Variants in CNKSR2 observed in about 807,000 individuals in gnomAD.
The protein encoded by CNKSR2 is connector enhancer of kinase suppressor of Ras 2, also known as CNK homolog protein 2.
Under a neutral mutation model 84.4 loss-of-function variants are expected in CNKSR2, and 14 were observed. That is an observed-to-expected ratio of 0.17 (90% CI 0.11 to 0.26). CNKSR2 has a LOEUF of 0.26. Ranked by LOEUF, CNKSR2 falls within the 10% of genes least tolerant of loss-of-function variation. CNKSR2 has a pLI of 1.00. For synonymous variants in CNKSR2, 275 were observed against 277.9 expected (o/e 0.99, Z 0.10); for missense variants, 485 against 771.2 (o/e 0.63, Z 4.40).
Position 21,654,286 on chromosome X carries a change from A to AC in CNKSR2, c.*1765_*1766insC, listed in dbSNP as rs1327532083. On this transcript the variant is annotated 3_prime_UTR_variant, in exon 22 of 22. Coordinates refer to ENST00000379510, the MANE Select transcript of CNKSR2 (RefSeq NM_014927.5). ...TTTTGTATATGTAAAAAAAAAAAAAAAAAAAAAACAAAAAACCTCTTGTCC... is the reference window on the plus strand; with the variant it reads ...TTTTGTATATGTAAAAAAAAAAAAAACAAAAAAAACAAAAAACCTCTTGTCC... 1.3e-4 allele frequency: 14 copies of AC among 106,633 alleles called. No individual in the cohort carries two copies. Among genetic ancestry groups the AC allele is most frequent in the East Asian group, 5.9e-4 (2 of 3,395 alleles). The allele number at this position is 106,633 out of a possible 1,213,427, so 8.8% of individuals were successfully genotyped here. A position where few individuals can be genotyped will look rare whatever the true frequency, so the allele number is the denominator to read the frequency against.
At chrX:21,460,887 T>C (rs1371669046) in intron 4 of CNKSR2, among the ~76,000 whole-genome samples, 1 of 112,568 alleles carries the variant, frequency 8.9e-6, no homozygotes, top group African/African-American at 3.2e-5. Flanking sequence ...TCATTTTTAA[T>C]GGCTGAATAG....
intron 13 of CNKSR2, among the ~76,000 whole-genome samples, chrX:21,583,976 T>A (rs969027073): frequency 8.9e-6 from 1 of 112,371 alleles, no homozygotes; most frequent in East Asian, 2.8e-4. Flanking sequence ...AAAAATACTT[T>A]CATAATAGCC....
chrX:21,381,374 T>C (rs753569967), intron 1 of CNKSR2, among the ~76,000 whole-genome samples: 2 of 111,690 alleles, frequency 1.8e-5, no homozygotes, highest in Non-Finnish European at 3.8e-5. Context: ...GAAGTGGTGG[T>C]TGAGTTTAAA....
intron 13 of CNKSR2, among the ~76,000 whole-genome samples, chrX:21,566,231 G>A (rs977018253): frequency 1.8e-5 from 2 of 111,939 alleles, no homozygotes; most frequent in Admixed American, 9.5e-5. Flanking sequence ...CTGAGCTGCC[G>A]CTGTTATAAA....
intron 11 of CNKSR2, among the ~76,000 whole-genome samples, chrX:21,536,406 A>G (rs1480208069): frequency 9.1e-6 from 1 of 110,400 alleles, no homozygotes; most frequent in Admixed American, 9.6e-5. Context: ...CTCCTCTACT[A>G]TTTTTTCGGA....
At position 21,387,437 on chromosome X, in the gene CNKSR2, G is replaced by A. The variant is rs1296113693; in HGVS notation, c.64+12476G>A. Among the ~76,000 whole-genome samples the A allele has an allele frequency of 2.7e-5, 3 of 111,459 alleles. No homozygotes were observed. The Admixed American group carries it at 2.9e-4, about 11-fold the overall frequency. Reference sequence around the variant, plus strand: ...GTCGAGGCTGCAGTGGGCTGTGGTCGCGCCACTGTACTCCAGCCTGGGTGA... The same window carrying A: ...GTCGAGGCTGCAGTGGGCTGTGGTCACGCCACTGTACTCCAGCCTGGGTGA... On this transcript the variant is annotated intron_variant, in intron 1 of 21. Coordinates refer to ENST00000379510, the MANE Select transcript of CNKSR2 (RefSeq NM_014927.5).
chrX:21,654,460 G>A lies in CNKSR2; in HGVS notation c.*1939G>A, dbSNP rs945168502. The A allele has an allele frequency of 4.6e-5, 5 of 108,019 alleles. No homozygotes were observed. Among genetic ancestry groups the A allele is most frequent in the South Asian group, 4.1e-4 (1 of 2,439 alleles). 8.9% of individuals were successfully genotyped at this position (108,019 alleles called of 1,213,427 possible). A position where few individuals can be genotyped will look rare whatever the true frequency, so the allele number is the denominator to read the frequency against. On this transcript the variant is annotated 3_prime_UTR_variant, in exon 22 of 22. Coordinates refer to ENST00000379510, the MANE Select transcript of CNKSR2 (RefSeq NM_014927.5). ...GGCCTGTAAACAGCAAGCAGTTGAC[G>A]GGAAGACTAGCTCTGTTGCTACTAA...
In CNKSR2 at chrX:21,433,323, C is replaced by CT. The variant is rs990819862; in HGVS notation, c.431+515dup. Among the ~76,000 whole-genome samples the CT allele has an allele frequency of 2.7e-5, 3 of 111,126 alleles. No homozygotes were observed. In the Admixed American group the frequency reaches 2.9e-4, roughly 11 times the overall value. On this transcript the variant is annotated intron_variant, in intron 3 of 21. Coordinates refer to ENST00000379510, the MANE Select transcript of CNKSR2 (RefSeq NM_014927.5). ...TGGATATCATAAACACACTTTTAGACTTTTTTAAGTTTAGTTGACTTTCAT... is the reference window on the plus strand; with the variant it reads ...TGGATATCATAAACACACTTTTAGACTTTTTTTAAGTTTAGTTGACTTTCAT...
intron 11 of CNKSR2, among the ~76,000 whole-genome samples, chrX:21,555,539 G>A (rs2092132346): frequency 9.0e-6 from 1 of 111,243 alleles, no homozygotes; most frequent in Non-Finnish European, 1.9e-5. Context: ...AATAACCCCA[G>A]GATGTTTTCC....
chrX:21,452,766 A>ATTTTATTTTATT (rs1363033922), intron 4 of CNKSR2, among the ~76,000 whole-genome samples: 3 of 92,983 alleles, frequency 3.2e-5, no homozygotes, highest in African/African-American at 1.3e-4. Flanking sequence ...ATTTTATTTT[A>ATTTTATTTTATT]TTTTATTTTA....
At chrX:21,478,045 A>G (rs1378025353) in intron 5 of CNKSR2, among the ~76,000 whole-genome samples, 1 of 111,604 alleles carries the variant, frequency 9.0e-6, no homozygotes, top group Non-Finnish European at 1.9e-5. Context: ...TAGCATTTGA[A>G]CATATAAATT....
intron 5 of CNKSR2, among the ~76,000 whole-genome samples, chrX:21,480,059 G>T (rs2091300397): frequency 9.0e-6 from 1 of 110,811 alleles, no homozygotes; most frequent in Non-Finnish European, 1.9e-5. Flanking sequence ...TCTTCTCCTT[G>T]CAGTGTCCCT....
At chrX:21,440,591 A>G in intron 3 of CNKSR2, 103 bp from the exon 4 acceptor site, 1 of 334,544 alleles carries the variant, frequency 3.0e-6, no homozygotes, top group Non-Finnish European at 5.2e-6. Context: ...AAATTTCAGA[A>G]CAATTTATTT....
At chrX:21,404,272 T>G (rs2090232864) in intron 1 of CNKSR2, among the ~76,000 whole-genome samples, 1 of 111,452 alleles carries the variant, frequency 9.0e-6, no homozygotes, top group Non-Finnish European at 1.9e-5. Context: ...GGTTTATGTG[T>G]GTACAGTTTT....
intron 5 of CNKSR2, among the ~76,000 whole-genome samples, chrX:21,481,925 C>T (rs1367247115): frequency 9.0e-6 from 1 of 111,655 alleles, no homozygotes; most frequent in Non-Finnish European, 1.9e-5. Flanking sequence ...TTCTTCCCTA[C>T]TTACACCTCC....
chrX:21,608,879 C>T lies in CNKSR2; in HGVS notation c.2146-192C>T, dbSNP rs757727450. ...ACCTTGGTATAGCCGCATTCCAATACATCCATGTCTCTGTCTCTTAAAATG... is the reference window on the plus strand; with the variant it reads ...ACCTTGGTATAGCCGCATTCCAATATATCCATGTCTCTGTCTCTTAAAATG... On this transcript the variant is annotated intron_variant, in intron 19 of 21. Coordinates refer to ENST00000379510, the MANE Select transcript of CNKSR2 (RefSeq NM_014927.5). Among the ~76,000 whole-genome samples, 58 of 112,053 alleles carry T rather than the reference C, an allele frequency of 5.2e-4. 1 individual carries two copies. Among genetic ancestry groups the T allele is most frequent in the Non-Finnish European group, 8.8e-4 (47 of 53,230 alleles).
intron 1 of CNKSR2, among the ~76,000 whole-genome samples, chrX:21,384,437 G>A (rs1034627738): frequency 1.8e-5 from 2 of 112,130 alleles, no homozygotes; most frequent in African/African-American, 6.5e-5. Flanking sequence ...ACACAGAGTA[G>A]TTAGTTCTGT....
chrX:21,649,756 C>G (rs1378614684), intron 21 of CNKSR2, among the ~76,000 whole-genome samples: 1 of 111,281 alleles, frequency 9.0e-6, no homozygotes, highest in Non-Finnish European at 1.9e-5. Flanking sequence ...CACAAGCCAC[C>G]TGAGCAGGCC....
chrX:21,423,498 A>T (rs971652974), intron 1 of CNKSR2: 1 of 112,081 alleles, frequency 8.9e-6, no homozygotes, highest in African/African-American at 3.2e-5. Context: ...AGTAAATGAG[A>T]ACAGTCCCAG....
Sources: allele counts gnomAD v4.1 joint callset (sites outside exome capture counted in the v4.1 genomes callset), GRCh38; gene constraint gnomAD v4.1.1; transcripts MANE v1.5; gene names NCBI Gene and HGNC (gene_info 2026-07-23, HGNC 2026-07-21).